NT5DC1: variants seen among roughly 807,000 people sequenced by gnomAD.
NT5DC1 encodes 5'-nucleotidase domain containing 1.
In NT5DC1, 42 loss-of-function variants were observed where a neutral mutation model predicts 59.4. The observed-to-expected ratio is 0.71, with a 90% CI of 0.55 to 0.92. The LOEUF (loss-of-function observed/expected upper bound fraction) is 0.92, where lower values mean the gene tolerates loss of function less well. Among genes scored for constraint, NT5DC1 ranks in the 40% least tolerant of loss-of-function variants. NT5DC1 has a pLI of 0.00. For missense variants in NT5DC1, 501 were observed against 537.1 expected (o/e 0.93, Z 0.66); for synonymous variants, 172 against 188.1 (o/e 0.91, Z 0.70).
chr6:116,125,996 T>G (rs1779289674), intron 6 of NT5DC1: 1 of 154,856 alleles, frequency 6.5e-6, no homozygotes, highest in Non-Finnish European at 1.4e-5. Context: ...ATTTAAATCT[T>G]TAAAGTTTCT....
chr6:116,230,176 CTT>C (rs929336764), intron 8 of NT5DC1, among the ~76,000 whole-genome samples: 5 of 152,180 alleles, frequency 3.3e-5, no homozygotes, highest in Non-Finnish European at 7.3e-5. Flanking sequence ...CCCAACCTCT[CTT>C]CACTTTTCAT....
At chr6:116,116,440 G>A (rs914996616) in intron 5 of NT5DC1, among the ~76,000 whole-genome samples, 1 of 152,126 alleles carries the variant, frequency 6.6e-6, no homozygotes, top group Non-Finnish European at 1.5e-5. Flanking sequence ...TCAGGAGTTC[G>A]AGACCAGCCT....
intron 6 of NT5DC1, among the ~76,000 whole-genome samples, chr6:116,209,564 T>C (rs1490965072): frequency 1.3e-5 from 2 of 152,000 alleles, no homozygotes; most frequent in African/African-American, 4.8e-5. Flanking sequence ...AGAGTGGGTA[T>C]TGGGGAGGGC....
chr6:116,100,970 G>A lies in NT5DC1; in HGVS notation c.40G>A (p.Gly14Arg), dbSNP rs147158071. The A allele has an allele frequency of 2.5e-5, 40 of 1,604,636 alleles. No homozygotes were observed. The African/African-American group carries it at 4.1e-4, about 16-fold the overall frequency. Reference sequence around the variant, plus strand: ...CTCCCTGGCCGCCTGCGACGTGGTCGGATTCGACCTGGACCACACTCTGTG... The same window carrying A: ...CTCCCTGGCCGCCTGCGACGTGGTCAGATTCGACCTGGACCACACTCTGTG... ...HFSLAACDVV[G>R]FDLDHTLCRY... Residue 14 changes from glycine (G) to arginine (R), a missense_variant, in exon 1 of 12, where the codon GGA becomes AGA. Physicochemically the swap from Gly to Arg is moderately radical, Grantham distance 125 (BLOSUM62 -2). Coordinates refer to ENST00000319550, the MANE Select transcript of NT5DC1 (RefSeq NM_152729.3).
intron 6 of NT5DC1, among the ~76,000 whole-genome samples, chr6:116,143,137 A>G (rs1433691070): frequency 6.6e-6 from 1 of 152,218 alleles, no homozygotes; most frequent in Non-Finnish European, 1.5e-5. Context: ...CCTCTGGCAT[A>G]GATAAACACT....
chr6:116,241,910 A>C (rs1295162995), intron 11 of NT5DC1, among the ~76,000 whole-genome samples: 2 of 124,910 alleles, frequency 1.6e-5, no homozygotes, highest in Non-Finnish European at 3.2e-5. Flanking sequence ...GTGACAGAGC[A>C]AGACTCCGTC....
At chr6:116,118,496 C>G (rs2114268374) in intron 6 of NT5DC1, among the ~76,000 whole-genome samples, 1 of 152,174 alleles carries the variant, frequency 6.6e-6, no homozygotes, top group Admixed American at 6.5e-5. Context: ...TGACTTGAGC[C>G]ACATTGTCCT....
chr6:116,102,175 C>A (rs1285253415), intron 1 of NT5DC1, among the ~76,000 whole-genome samples: 4 of 152,218 alleles, frequency 2.6e-5, no homozygotes, highest in African/African-American at 9.7e-5. Context: ...AACTCTAGAT[C>A]ACTGGTGCAG....
At chr6:116,164,512 A>G (rs1053798869) in intron 6 of NT5DC1, among the ~76,000 whole-genome samples, 1 of 152,134 alleles carries the variant, frequency 6.6e-6, no homozygotes, top group Non-Finnish European at 1.5e-5. Flanking sequence ...TAGGCAGCAG[A>G]TGGTTGAATC....
chr6:116,121,528 AG>A (rs1390862239), intron 6 of NT5DC1: 1 of 1,614,072 alleles, frequency 6.2e-7, no homozygotes, highest in Non-Finnish European at 8.5e-7. Context: ...CTGGACGACC[AG>A]GAGCACCATA....
intron 8 of NT5DC1, among the ~76,000 whole-genome samples, chr6:116,224,352 C>T (rs1409654826): frequency 2.0e-5 from 3 of 152,154 alleles, no homozygotes; most frequent in Admixed American, 6.5e-5. Context: ...CATGGTAGCA[C>T]GTGTCAAGCA....
chr6:116,212,607 T>G (rs1781602109), intron 6 of NT5DC1, among the ~76,000 whole-genome samples: 1 of 152,160 alleles, frequency 6.6e-6, no homozygotes, highest in South Asian at 2.1e-4. Context: ...TGATAAAATT[T>G]GATCTTTAAA....
chr6:116,215,561 C>T (rs1005847315), intron 6 of NT5DC1, among the ~76,000 whole-genome samples: 1 of 152,132 alleles, frequency 6.6e-6, no homozygotes, highest in African/African-American at 2.4e-5. Flanking sequence ...ACCCTCCCAG[C>T]TGTCAGCGTC....
intron 6 of NT5DC1, among the ~76,000 whole-genome samples, chr6:116,133,140 C>G (rs924441048): frequency 6.6e-6 from 1 of 152,144 alleles, no homozygotes; most frequent in East Asian, 1.9e-4. Context: ...CTCATAGTTT[C>G]GTGCGCCAAG....
chr6:116,161,591 C>CT (rs1279909941), intron 6 of NT5DC1, among the ~76,000 whole-genome samples: 1 of 152,042 alleles, frequency 6.6e-6, no homozygotes, highest in Non-Finnish European at 1.5e-5. Flanking sequence ...ATCTATGTGT[C>CT]TATTTTTGTA....
At chr6:116,218,807 TGTTA>T (rs1484799598) in intron 6 of NT5DC1, among the ~76,000 whole-genome samples, 1 of 151,040 alleles carries the variant, frequency 6.6e-6, no homozygotes, top group African/African-American at 2.5e-5. Context: ...TTATTTCTTT[TGTTA>T]GTTTTGGTCT....
At chr6:116,201,449 G>A (rs1435684038) in intron 6 of NT5DC1, among the ~76,000 whole-genome samples, 1 of 151,968 alleles carries the variant, frequency 6.6e-6, no homozygotes, top group Non-Finnish European at 1.5e-5. Flanking sequence ...TAATCCGTTG[G>A]TGGAGAAGAA....
chr6:116,208,894 C>A (rs997143214), intron 6 of NT5DC1, among the ~76,000 whole-genome samples: 4 of 151,912 alleles, frequency 2.6e-5, no homozygotes, highest in Non-Finnish European at 4.4e-5. Context: ...ATAGAGAACC[C>A]AGGCCAGAGA....
At chr6:116,232,731 A>G (rs980641010) in intron 8 of NT5DC1, among the ~76,000 whole-genome samples, 2 of 152,134 alleles carry the variant, frequency 1.3e-5, no homozygotes, top group Non-Finnish European at 2.9e-5. Context: ...TCATTGTCCC[A>G]TATCTACTTT....
Sources: gnomAD v4.1 joint callset for allele counts (sites outside exome capture counted in the v4.1 genomes callset) on GRCh38, gnomAD v4.1.1 for gene constraint, MANE v1.5 for transcripts, NCBI Gene and HGNC (gene_info 2026-07-23, HGNC 2026-07-21) for gene names.